Variants in TMEM181 observed in about 807,000 individuals in gnomAD.
TMEM181 encodes the protein G protein-coupled receptor 178.
TMEM181 carries 39 observed loss-of-function variants against 71.9 expected under a neutral mutation model. That is an observed-to-expected ratio of 0.54 (90% CI 0.42 to 0.71). The LOEUF (loss-of-function observed/expected upper bound fraction) is 0.71, where lower values mean the gene tolerates loss of function less well. Among genes scored for constraint, TMEM181 ranks in the 30% least tolerant of loss-of-function variants. The pLI, the probability that TMEM181 is intolerant of heterozygous loss-of-function variation, is 0.00. For missense variants in TMEM181, 595 were observed against 583.0 expected, an observed-to-expected ratio of 1.02 and a Z score of -0.21; for synonymous variants, 245 against 228.8, an observed-to-expected ratio of 1.07 and a Z score of -0.64.
At chr6:158,580,875 G>A (rs1783431342) in intron 2 of TMEM181, 65 bp from the exon 3 acceptor site, 5 of 1,481,452 alleles carry the variant, frequency 3.4e-6, no homozygotes, top group East Asian at 2.3e-5. Context: ...CTTGGAATTT[G>A]GAAAAAAATA....
At chr6:158,588,576 A>G (rs1167263812) in intron 5 of TMEM181, among the ~76,000 whole-genome samples, 1 of 152,114 alleles carries the variant, frequency 6.6e-6, no homozygotes, top group Non-Finnish European at 1.5e-5. Context: ...CAGCCTCCTG[A>G]GTAGCTGGGA....
At chr6:158,622,880 G>T (rs1387335447) in intron 10 of TMEM181, among the ~76,000 whole-genome samples, 1 of 152,184 alleles carries the variant, frequency 6.6e-6, no homozygotes, top group Non-Finnish European at 1.5e-5. Flanking sequence ...CCGATGCTCT[G>T]CTGTGTCCAC....
At chr6:158,596,543 A>G (rs140613769) in intron 6 of TMEM181, among the ~76,000 whole-genome samples, 73 of 152,278 alleles carry the variant, frequency 4.8e-4, no homozygotes, top group African/African-American at 1.5e-3. Context: ...CCCTGGTGCC[A>G]CTGTTTGTTT....
intron 1 of TMEM181, among the ~76,000 whole-genome samples, chr6:158,545,908 G>A (rs1781512703): frequency 1.3e-5 from 2 of 152,132 alleles, no homozygotes; most frequent in African/African-American, 4.8e-5. Context: ...GTTCATGGTG[G>A]AGTACATCCA....
chr6:158,583,890 C>G, intron 3 of TMEM181, 64 bp from the exon 4 acceptor site: 4 of 1,217,076 alleles, frequency 3.3e-6, no homozygotes, highest in Non-Finnish European at 4.6e-6. Flanking sequence ...TGTGTTAAAA[C>G]GATGAGGTAT....
At chr6:158,619,585 T>C (rs1785833421) in intron 10 of TMEM181, among the ~76,000 whole-genome samples, 1 of 152,114 alleles carries the variant, frequency 6.6e-6, no homozygotes, top group Non-Finnish European at 1.5e-5. Flanking sequence ...AAGAGAAGGA[T>C]GTTGGCCAGG....
Position 158,620,408 on chromosome 6 carries a change from C to A in TMEM181, c.897-3142C>A, listed in dbSNP as rs977730115. On this transcript the variant is annotated intron_variant, in intron 10 of 16. Transcript: ENST00000684151. This position sits in a 1 kb window ranked among gnomAD's most constrained non-coding sequence, Gnocchi z 4.5. ...ACGAGAAAGCCAGGAGAAGGCAGAT[C>A]TTACCAGTCAGCTGAATTAGTGTCT... Among the ~76,000 whole-genome samples, 2 of 152,122 alleles carry A rather than the reference C, an allele frequency of 1.3e-5. No individual in the cohort carries two copies. The highest frequency in any genetic ancestry group is 2.9e-5 in the Non-Finnish European group (2 of 68,034).
intron 5 of TMEM181, 121 bp from the exon 6 acceptor site, chr6:158,589,551 C>T (rs1163393121): frequency 2.9e-6 from 2 of 697,294 alleles, no homozygotes; most frequent in Middle Eastern, 3.0e-4. Context: ...GGGCTTTTGG[C>T]GAGTTCCCTG....
At chr6:158,573,615 C>A (rs527674621) in intron 2 of TMEM181, 92 bp downstream of exon 2, 9 of 1,086,934 alleles carry the variant, frequency 8.3e-6, no homozygotes, top group East Asian at 2.6e-5. Context: ...CCCTATCTTC[C>A]ACTGCTAAGG....
intron 13 of TMEM181, among the ~76,000 whole-genome samples, chr6:158,626,866 CCTCA>C (rs749867545): frequency 2.7e-5 from 4 of 146,026 alleles, no homozygotes; most frequent in Admixed American, 2.0e-4. Flanking sequence ...ATCCTCACAC[CCTCA>C]CTCTCACACT....
At chr6:158,562,971 G>T (rs1043247398) in intron 1 of TMEM181, among the ~76,000 whole-genome samples, 1 of 152,168 alleles carries the variant, frequency 6.6e-6, no homozygotes, top group Non-Finnish European at 1.5e-5. Flanking sequence ...CCCAAACCCT[G>T]GGCCACCTGG....
chr6:158,619,920 A>T (rs111896784), intron 10 of TMEM181, among the ~76,000 whole-genome samples: 31 of 150,568 alleles, frequency 2.1e-4, no homozygotes, highest in African/African-American at 6.8e-4. Flanking sequence ...CAAGGTTGAC[A>T]TAGAGAGGGT....
intron 1 of TMEM181, among the ~76,000 whole-genome samples, chr6:158,563,996 T>A (rs1307170706): frequency 1.3e-5 from 2 of 152,214 alleles, no homozygotes; most frequent in African/African-American, 4.8e-5. Flanking sequence ...CAGGCTGGTC[T>A]TGAACTCCTG....
chr6:158,548,167 G>A (rs959812621), intron 1 of TMEM181, among the ~76,000 whole-genome samples: 9 of 152,086 alleles, frequency 5.9e-5, no homozygotes, highest in Non-Finnish European at 8.8e-5. Flanking sequence ...GATTGTTTCC[G>A]AACACAGTAG....
intron 13 of TMEM181, among the ~76,000 whole-genome samples, chr6:158,627,527 C>T (rs1057395963): frequency 3.3e-5 from 5 of 152,318 alleles, no homozygotes; most frequent in Admixed American, 2.0e-4. Flanking sequence ...GGGGATGTAT[C>T]TCTTGGAGAG....
chr6:158,631,433 C>CAA, intron 16 of TMEM181, 44 bp downstream of exon 16: 3 of 1,591,992 alleles, frequency 1.9e-6, no homozygotes, highest in Non-Finnish European at 2.6e-6. Context: ...TTGGGCATCC[C>CAA]GGCACGGCCT....
intron 6 of TMEM181, among the ~76,000 whole-genome samples, chr6:158,598,420 T>G (rs984957921): frequency 1.3e-5 from 2 of 152,082 alleles, no homozygotes; most frequent in Non-Finnish European, 2.9e-5. Context: ...ACGTCTCAAG[T>G]CCTTCAGGCT....
intron 6 of TMEM181, among the ~76,000 whole-genome samples, chr6:158,604,399 T>C (rs1784835187): frequency 6.6e-6 from 1 of 152,228 alleles, no homozygotes; most frequent in South Asian, 2.1e-4. Context: ...CTGAAGTGGA[T>C]TTTTTAAATT....
In TMEM181 at chr6:158,608,643, A is replaced by G. The variant is rs755621457; in HGVS notation, c.805-16A>G. On this transcript the variant is annotated splice_polypyrimidine_tract_variant and intron_variant, in intron 9 of 16. Coordinates refer to ENST00000684151, the MANE Select transcript of TMEM181 (RefSeq NM_001376852.1). ...TGGTTTTCTTTATTTCTTACTTCTT[A>G]TTTTTTTCTTTTTAGGGAGAAAGAA... The G allele has an allele frequency of 1.9e-6, 3 of 1,598,316 alleles. No individual in the cohort carries two copies. Among genetic ancestry groups the G allele is most frequent in the South Asian group, 1.1e-5 (1 of 87,740 alleles).
Sources: allele counts gnomAD v4.1 joint callset (sites outside exome capture counted in the v4.1 genomes callset), GRCh38; gene constraint gnomAD v4.1.1; non-coding constraint Gnocchi (gnomAD v3.1); transcripts MANE v1.5; gene names NCBI Gene and HGNC (gene_info 2026-07-23, HGNC 2026-07-21).